Variants in ABHD2 observed in about 807,000 individuals in gnomAD.
The protein encoded by ABHD2 is monoacylglycerol lipase ABHD2.
A neutral mutation model predicts 48.1 loss-of-function variants in ABHD2; 20 were observed. That is an observed-to-expected ratio of 0.42 (90% CI 0.29 to 0.60). The LOEUF is 0.60. Among genes scored for constraint, ABHD2 ranks in the 20% least tolerant of loss-of-function variants. The pLI is 0.24. For synonymous variants in ABHD2, 209 were observed against 214.2 expected (o/e 0.98, Z 0.21); for missense variants, 405 against 550.9 (o/e 0.74, Z 2.65).
At chr15:89,047,109 T>C in the ABHD2 span, among the ~76,000 whole-genome samples, 1 of 151,846 alleles carries the variant, frequency 6.6e-6, no homozygotes, top group East Asian at 1.9e-4. Context: ...TTTGTTCTCG[T>C]TGGTTTCAAA....
rs1009114929 is a variant in ABHD2 at position 89,099,696 on chromosome 15, G to A, written c.-107+11133G>A. Among the ~76,000 whole-genome samples the A allele has an allele frequency of 7.9e-5, 12 of 152,098 alleles. No homozygotes were observed. The East Asian group carries it at 1.4e-3, about 17-fold the overall frequency. On this transcript the variant is annotated intron_variant, in intron 1 of 10. Transcript: ENST00000352732. ...GCACTTTGGGAGGCCGAGGTAAGTGGATCACTTGAGGCCAGGAGTTCAAGA... is the reference window on the plus strand; with the variant it reads ...GCACTTTGGGAGGCCGAGGTAAGTGAATCACTTGAGGCCAGGAGTTCAAGA...
intron 1 of ABHD2, among the ~76,000 whole-genome samples, chr15:89,111,941 T>A (rs1006934541): frequency 6.6e-6 from 1 of 150,992 alleles, no homozygotes; most frequent in Non-Finnish European, 1.5e-5. Context: ...GATTTTTTAT[T>A]TATATATATA....
chr15:89,076,472 T>TTTTTG, the ABHD2 span, among the ~76,000 whole-genome samples: 7 of 152,144 alleles, frequency 4.6e-5, no homozygotes, highest in South Asian at 8.3e-4. Context: ...TACAGTTTAA[T>TTTTTG]TTTTGTTTTG....
rs1390316998 is a variant in ABHD2, at chr15:89,201,685, G to A, written c.*6262G>A. On this transcript the variant is annotated 3_prime_UTR_variant, in exon 11 of 11. Coordinates refer to ENST00000352732, the MANE Select transcript of ABHD2 (RefSeq NM_152924.5). ...CACACTTTTCTATCCGATGGATTTC[G>A]CAATTTAAGATTTGTAGTGACTACA... is the stretch of plus-strand genomic sequence containing the variant. 25 of 1,608,466 alleles carry A rather than the reference G, an allele frequency of 1.6e-5. No homozygotes were observed. Among genetic ancestry groups the A allele is most frequent in the South Asian group, 4.4e-5 (4 of 90,964 alleles).
chr15:89,174,617 T>C lies in ABHD2; in HGVS notation c.539-1195T>C, dbSNP rs2050981641. Among the ~76,000 whole-genome samples, 1 of 152,234 alleles carries C rather than the reference T, an allele frequency of 6.6e-6. No individual in the cohort carries two copies. Among genetic ancestry groups the C allele is most frequent in the Admixed American group, 6.5e-5 (1 of 15,278 alleles). On this transcript the variant is annotated intron_variant, in intron 5 of 10. Transcript: ENST00000352732. The surrounding 1 kb of genome is among the most constrained non-coding windows in gnomAD (Gnocchi z 4.1). The stretch of plus-strand genomic sequence containing the variant: ...AGGAGCTGTTCAACTCTATTAAGAA[T>C]GCCAAAACCTCTGAGCTGGTGCCAA...
At position 89,200,210 on chromosome 15, in the gene ABHD2, T is replaced by C. The variant is rs1405873281; in HGVS notation, c.*4787T>C. On this transcript the variant is annotated 3_prime_UTR_variant, in exon 11 of 11. Coordinates refer to ENST00000352732, the MANE Select transcript of ABHD2 (RefSeq NM_152924.5). ...AAAAAGTAAATTTTAATGTCGAAAA[T>C]GCAAACTTGGGGAGGGCAGAAAGAT... 1 of 152,168 alleles carries C rather than the reference T, an allele frequency of 6.6e-6. No homozygotes were observed. Among genetic ancestry groups the C allele is most frequent in the Non-Finnish European group, 1.5e-5 (1 of 68,038 alleles). The allele number at this position is 152,168 out of a possible 1,614,324, so 9.4% of individuals were successfully genotyped here.
the ABHD2 span, among the ~76,000 whole-genome samples, chr15:89,041,874 G>C: frequency 6.6e-6 from 1 of 152,142 alleles, no homozygotes; most frequent in Non-Finnish European, 1.5e-5. Context: ...ACCTGGAAGG[G>C]CATAAGCATC....
intron 10 of ABHD2, among the ~76,000 whole-genome samples, chr15:89,194,312 A>T (rs1375844315): frequency 6.6e-6 from 1 of 152,030 alleles, no homozygotes; most frequent in African/African-American, 2.4e-5. Context: ...CAGCCTGGCC[A>T]ACATGGTGAA....
At chr15:89,077,871 G>A in the ABHD2 span, among the ~76,000 whole-genome samples, 1 of 152,032 alleles carries the variant, frequency 6.6e-6, no homozygotes, top group Non-Finnish European at 1.5e-5. Context: ...ATCTTGTACT[G>A]TGGACAGCTT....
upstream of ABHD2, chr15:89,082,821 A>AG (rs1323453879): frequency 6.6e-5 from 10 of 152,318 alleles, no homozygotes; most frequent in African/African-American, 1.7e-4. This position sits in a 1 kb window ranked among gnomAD's most constrained non-coding sequence, Gnocchi z 4.4. Context: ...AAAATAATAT[A>AG]GGGGTCTCTG....
chr15:89,051,831 G>A, the ABHD2 span, among the ~76,000 whole-genome samples: 1 of 152,114 alleles, frequency 6.6e-6, no homozygotes, highest in African/African-American at 2.4e-5. Context: ...CCCAGTCTCA[G>A]GTGTGTCTTT....
At chr15:89,101,391 C>T (rs2049698228) in intron 1 of ABHD2, among the ~76,000 whole-genome samples, 1 of 152,198 alleles carries the variant, frequency 6.6e-6, no homozygotes, top group East Asian at 1.9e-4. Flanking sequence ...CCACAGTGAG[C>T]TTTCTCTCCT....
At chr15:89,191,404 T>C (rs931170944) in intron 9 of ABHD2, among the ~76,000 whole-genome samples, 3 of 152,166 alleles carry the variant, frequency 2.0e-5, no homozygotes, top group Non-Finnish European at 4.4e-5. Flanking sequence ...CAACACCCAC[T>C]TTTTTCTTAG....
the ABHD2 span, among the ~76,000 whole-genome samples, chr15:89,043,444 G>A: frequency 6.8e-6 from 1 of 147,774 alleles, no homozygotes; most frequent in Non-Finnish European, 1.5e-5. Flanking sequence ...AGAAGAAGAA[G>A]AAGGAGGAGG....
the ABHD2 span, among the ~76,000 whole-genome samples, chr15:89,051,004 G>A: frequency 6.6e-6 from 1 of 152,092 alleles, no homozygotes; most frequent in East Asian, 1.9e-4. Flanking sequence ...AGGCCCAGGT[G>A]GTTGGATCAC....
intron 3 of ABHD2, among the ~76,000 whole-genome samples, chr15:89,129,214 G>A (rs573211320): frequency 9.9e-4 from 151 of 152,126 alleles, no homozygotes; most frequent in Middle Eastern, 3.4e-3. Context: ...TGTGGGGGTG[G>A]GCAGAGAGAG....
At chr15:89,183,168 G>T (rs1443769901) in intron 6 of ABHD2, among the ~76,000 whole-genome samples, 1 of 151,974 alleles carries the variant, frequency 6.6e-6, no homozygotes, top group Non-Finnish European at 1.5e-5. Context: ...TCAGTGTCCA[G>T]ATTTCCTTGA....
chr15:89,200,713 AATC>A lies in ABHD2; in HGVS notation c.*5291_*5293del, dbSNP rs1454035849. On this transcript the variant is annotated 3_prime_UTR_variant, in exon 11 of 11. Transcript: ENST00000352732. ...CTACCAATGAAATGGTAGGTAAACA[AATC>A]TTCTGGTCAAGAGAAAAAAAAAAGA... 3 of 229,782 alleles carry A rather than the reference AATC, an allele frequency of 1.3e-5. No individual in the cohort carries two copies. Among genetic ancestry groups the A allele is most frequent in the African/African-American group, 2.3e-5 (1 of 43,044 alleles). 14.2% of individuals were successfully genotyped at this position (229,782 alleles called of 1,614,324 possible).
At chr15:89,108,526 G>A (rs1000517755) in intron 1 of ABHD2, among the ~76,000 whole-genome samples, 1 of 152,196 alleles carries the variant, frequency 6.6e-6, no homozygotes, top group Non-Finnish European at 1.5e-5. Flanking sequence ...GTTTCAGATG[G>A]ACATGAATTT....
Sources: gnomAD v4.1 joint callset for allele counts (sites outside exome capture counted in the v4.1 genomes callset) on GRCh38, gnomAD v4.1.1 for gene constraint, Gnocchi (gnomAD v3.1) non-coding constraint, MANE v1.5 for transcripts, NCBI Gene and HGNC (gene_info 2026-07-23, HGNC 2026-07-21) for gene names.